The following CNTN5 variants were observed in gnomAD, a reference collection of about 807,000 sequenced individuals.
CNTN5 encodes contactin 5.
Under a neutral mutation model 129.1 loss-of-function variants are expected in CNTN5, and 77 were observed. The ratio of observed to expected loss-of-function variants is 0.60; its 90% CI spans 0.50 to 0.72. The LOEUF is 0.72. CNTN5 is among the 30% of genes least tolerant of loss of function. The pLI, the probability that CNTN5 is intolerant of heterozygous loss-of-function variation, is 0.00. For synonymous variants in CNTN5, 509 were observed against 465.6 expected (o/e 1.09, Z -1.20); for missense variants, 1,478 against 1,328.8 (o/e 1.11, Z -1.75).
intron 16 of CNTN5, among the ~76,000 whole-genome samples, chr11:100,252,988 GA>G (rs1949999397): frequency 6.6e-6 from 1 of 152,090 alleles, no homozygotes; most frequent in South Asian, 2.1e-4. Flanking sequence ...TTAAGGAGGT[GA>G]AAAAATTGAC....
chr11:99,115,139 C>A (rs1007236939), intron 1 of CNTN5, among the ~76,000 whole-genome samples: 2 of 152,112 alleles, frequency 1.3e-5, no homozygotes, highest in African/African-American at 2.4e-5. Flanking sequence ...AAATAAATTT[C>A]TGTTGTCTAT....
chr11:99,215,984 T>A (rs1285290012), intron 1 of CNTN5, among the ~76,000 whole-genome samples: 1 of 152,210 alleles, frequency 6.6e-6, no homozygotes, highest in African/African-American at 2.4e-5. Flanking sequence ...TCAGTATCCA[T>A]CACCTCAAGC....
intron 3 of CNTN5, among the ~76,000 whole-genome samples, chr11:99,641,499 G>GT (rs1951769137): frequency 6.6e-6 from 1 of 152,150 alleles, no homozygotes; most frequent in African/African-American, 2.4e-5. Context: ...AGGAGGAGAC[G>GT]TAGGAGGGCA....
chr11:100,010,400 C>T (rs770367762), intron 9 of CNTN5, among the ~76,000 whole-genome samples: 11 of 151,994 alleles, frequency 7.2e-5, no homozygotes, highest in South Asian at 2.1e-4. Context: ...GAGGAATGGA[C>T]GAAGTGGGAC....
At chr11:100,192,339 C>G (rs999319947) in intron 14 of CNTN5, among the ~76,000 whole-genome samples, 3 of 152,016 alleles carry the variant, frequency 2.0e-5, no homozygotes, top group African/African-American at 4.8e-5. Context: ...CTGCTTTTAT[C>G]TGTCTTCTCT....
chr11:99,758,402 T>C (rs1944471675), intron 3 of CNTN5, among the ~76,000 whole-genome samples: 1 of 152,082 alleles, frequency 6.6e-6, no homozygotes, highest in Non-Finnish European at 1.5e-5. Flanking sequence ...GTATAACATA[T>C]AAAGCATTAT....
chr11:99,658,718 A>T (rs7933025), intron 3 of CNTN5, among the ~76,000 whole-genome samples: 34,201 of 123,848 alleles, frequency 0.28, 4,662 homozygotes, highest in East Asian at 0.5. Flanking sequence ...CTAAAAAAAA[A>T]ATATATATAT....
chr11:100,224,515 A>G (rs1167240186), intron 15 of CNTN5, among the ~76,000 whole-genome samples, 177 bp from the exon 16 acceptor site: 3 of 152,200 alleles, frequency 2.0e-5, no homozygotes, highest in Non-Finnish European at 4.4e-5. Flanking sequence ...GCAATTGTTA[A>G]AAACAAAACT....
chr11:100,316,970 A>G (rs1451648237), intron 21 of CNTN5, among the ~76,000 whole-genome samples: 2 of 152,202 alleles, frequency 1.3e-5, no homozygotes, highest in Non-Finnish European at 2.9e-5. Flanking sequence ...ACCTCTAGCA[A>G]CTTCTTTGTT....
chr11:99,797,581 G>A lies in CNTN5; in HGVS notation c.56-21963G>A, dbSNP rs141976407. On this transcript the variant is annotated intron_variant, in intron 3 of 24. Transcript: ENST00000524871. ...CTTGGCCACTTGTATGTCTTCTTTT[G>A]AGAAGTGTCTGTTCATGTCCTTTGC... is the stretch of plus-strand genomic sequence containing the variant. Among the ~76,000 whole-genome samples the A allele has an allele frequency of 4.0e-3, 612 of 152,212 alleles. 2 individuals are homozygous for A. The highest frequency in any genetic ancestry group is 6.4e-3 in the Non-Finnish European group (433 of 68,002).
intron 13 of CNTN5, among the ~76,000 whole-genome samples, chr11:100,129,481 A>G (rs968091898): frequency 2.6e-5 from 4 of 152,146 alleles, no homozygotes; most frequent in Non-Finnish European, 5.9e-5. Context: ...GACCGAAGAA[A>G]GAGATTGCAA....
At chr11:100,194,195 T>C (rs1310836683) in intron 15 of CNTN5, among the ~76,000 whole-genome samples, 3 of 151,936 alleles carry the variant, frequency 2.0e-5, no homozygotes, top group African/African-American at 7.2e-5. Flanking sequence ...ATTGTGTACC[T>C]ACATGGCAAT....
At chr11:99,134,536 T>C (rs964948464) in intron 1 of CNTN5, among the ~76,000 whole-genome samples, 2 of 152,178 alleles carry the variant, frequency 1.3e-5, no homozygotes, top group African/African-American at 4.8e-5. Context: ...ATGTCACTGG[T>C]ATAAACATAG....
intron 3 of CNTN5, among the ~76,000 whole-genome samples, chr11:99,560,291 A>T (rs554034250): frequency 6.7e-6 from 1 of 149,050 alleles, no homozygotes; most frequent in Non-Finnish European, 1.5e-5. Flanking sequence ...TATTATTATT[A>T]TTATTATTAT....
At chr11:99,333,972 TCACA>T (rs3990852) in intron 2 of CNTN5, among the ~76,000 whole-genome samples, 88,982 of 149,048 alleles carry the variant, frequency 0.6, 27,129 homozygotes, top group African/African-American at 0.74. Flanking sequence ...TCTCTCTCTC[TCACA>T]CACACACACA....
chr11:99,936,270 A>C (rs2136095217), intron 7 of CNTN5, among the ~76,000 whole-genome samples: 1 of 152,336 alleles, frequency 6.6e-6, no homozygotes, highest in South Asian at 2.1e-4. Context: ...TATTCACTTA[A>C]AATATAACAA....
At chr11:100,299,565 AATTAAAAGTTGATT>A (rs1350586773) in intron 20 of CNTN5, among the ~76,000 whole-genome samples, 169 bp downstream of exon 20, 3 of 151,422 alleles carry the variant, frequency 2.0e-5, no homozygotes, top group South Asian at 2.1e-4. Context: ...TAATTTTTTA[AATTAAAAGTTGATT>A]ATTCCACATA....
intron 2 of CNTN5, among the ~76,000 whole-genome samples, chr11:99,333,693 A>G (rs1303458694): frequency 3.3e-5 from 5 of 151,990 alleles, no homozygotes; most frequent in South Asian, 2.1e-4. Flanking sequence ...TGTTGTGTCT[A>G]TATGTCACTA....
chr11:100,221,417 T>C (rs1327135589), intron 15 of CNTN5, among the ~76,000 whole-genome samples: 3 of 152,206 alleles, frequency 2.0e-5, no homozygotes, highest in African/African-American at 7.2e-5. Context: ...TATTTAGGAA[T>C]ATAATTGGCA....
Sources: allele counts gnomAD v4.1 joint callset (sites outside exome capture counted in the v4.1 genomes callset), GRCh38; gene constraint gnomAD v4.1.1; transcripts MANE v1.5; gene names NCBI Gene and HGNC (gene_info 2026-07-23, HGNC 2026-07-21).